The following TPTE2 variants were observed in gnomAD, a reference collection of about 807,000 sequenced individuals.
The protein encoded by TPTE2 is phosphatidylinositol 3,4,5-trisphosphate 3-phosphatase TPTE2.
TPTE2 carries 53 observed loss-of-function variants against 78.6 expected under a neutral mutation model. The ratio of observed to expected loss-of-function variants is 0.67; its 90% CI spans 0.54 to 0.85. TPTE2 has a LOEUF of 0.85. Among genes scored for constraint, TPTE2 ranks in the 40% least tolerant of loss-of-function variants. The pLI is 0.00. For missense variants in TPTE2, 461 were observed against 623.0 expected (o/e 0.74, Z 2.77); for synonymous variants, 175 against 206.2 (o/e 0.85, Z 1.30).
At chr13:19,492,581 T>C (rs1365979364) in intron 3 of TPTE2, among the ~76,000 whole-genome samples, 2 of 152,174 alleles carry the variant, frequency 1.3e-5, no homozygotes, top group Non-Finnish European at 2.9e-5. Flanking sequence ...GGATGCAAAG[T>C]TACCTGCAAA....
At chr13:19,561,116 G>C in the TPTE2 span, 2 of 1,604,484 alleles carry the variant, frequency 1.2e-6, no homozygotes, top group Non-Finnish European at 1.7e-6. Flanking sequence ...CTTGTGGCCT[G>C]GGAGGCAGTG....
intron 10 of TPTE2, among the ~76,000 whole-genome samples, chr13:19,452,261 A>G (rs1297386991): frequency 1.3e-5 from 2 of 152,168 alleles, no homozygotes; most frequent in African/African-American, 4.8e-5. Flanking sequence ...ATAAATATCT[A>G]TGAGAAATTT....
intron 1 of TPTE2, among the ~76,000 whole-genome samples, chr13:19,522,619 C>CTT (rs57248346): frequency 8.2e-6 from 1 of 121,648 alleles, no homozygotes; most frequent in Non-Finnish European, 1.6e-5. Flanking sequence ...CTTTTTTTTT[C>CTT]TTTTTTTTTT....
At chr13:19,431,199 G>T (rs1459463858) in intron 16 of TPTE2, among the ~76,000 whole-genome samples, 4 of 151,568 alleles carry the variant, frequency 2.6e-5, no homozygotes, top group Admixed American at 6.6e-5. Flanking sequence ...TTGCTAATAT[G>T]TTGCTTTCTT....
intron 13 of TPTE2, among the ~76,000 whole-genome samples, chr13:19,440,425 T>C (rs1295785616): frequency 1.0e-4 from 1 of 9,754 alleles, no homozygotes; most frequent in Non-Finnish European, 6.6e-4. Context: ...ACATCTTTCT[T>C]GATAAAAAAA....
At chr13:19,510,596 G>A (rs1869370281) in intron 1 of TPTE2, among the ~76,000 whole-genome samples, 1 of 151,916 alleles carries the variant, frequency 6.6e-6, no homozygotes, top group Non-Finnish European at 1.5e-5. Flanking sequence ...GCGGTTTGGG[G>A]GTACAAACCT....
At chr13:19,513,475 T>C (rs1209853019) in intron 1 of TPTE2, among the ~76,000 whole-genome samples, 2 of 152,248 alleles carry the variant, frequency 1.3e-5, no homozygotes, top group African/African-American at 4.8e-5. Context: ...CCTTTCATTG[T>C]TGACTCCAGC....
intron 10 of TPTE2, among the ~76,000 whole-genome samples, chr13:19,457,968 T>A (rs1319857598): frequency 6.6e-6 from 1 of 152,134 alleles, no homozygotes; most frequent in Non-Finnish European, 1.5e-5. Context: ...AAAATACAGG[T>A]GCATCTTGCT....
In TPTE2 at chr13:19,501,298, CTACTT is replaced by C. The variant is rs1262648742; in HGVS notation, c.11+1921_11+1925del. ...CCTTTCTTCACAGAATTGGAAAAAA[CTACTT>C]TAAAGTTCATATGGAACCAAAAAAG... On this transcript the variant is annotated intron_variant, in intron 1 of 19. Coordinates refer to ENST00000400230, the Ensembl canonical transcript of TPTE2. Among the ~76,000 whole-genome samples, 399 of 96,148 alleles carry C rather than the reference CTACTT, an allele frequency of 4.1e-3. 1 individual carries two copies. Among genetic ancestry groups the C allele is most frequent in the African/African-American group, 0.014 (360 of 25,532 alleles). The allele number at this position is 96,148 out of a possible 152,430, so 63.1% of individuals were successfully genotyped here.
At chr13:19,477,929 C>T (rs960065392) in intron 4 of TPTE2, among the ~76,000 whole-genome samples, 7 of 152,236 alleles carry the variant, frequency 4.6e-5, no homozygotes, top group African/African-American at 9.6e-5. Context: ...TGAAGCAACA[C>T]GAAGCATAGC....
At chr13:19,547,266 G>C in the TPTE2 span, among the ~76,000 whole-genome samples, 2 of 152,120 alleles carry the variant, frequency 1.3e-5, no homozygotes, top group African/African-American at 4.8e-5. Context: ...AGACCAGCCT[G>C]GGCAACATAG....
chr13:19,479,036 C>T (rs1716311229), intron 4 of TPTE2, among the ~76,000 whole-genome samples: 1 of 152,098 alleles, frequency 6.6e-6, no homozygotes. Flanking sequence ...GGAGGGATAG[C>T]ATTAGGAGAT....
intron 15 of TPTE2, among the ~76,000 whole-genome samples, chr13:19,433,200 A>T (rs1876804324): frequency 6.6e-6 from 1 of 152,030 alleles, no homozygotes; most frequent in Non-Finnish European, 1.5e-5. Context: ...GTACTCAATC[A>T]ACTGGTTCAG....
the TPTE2 span, among the ~76,000 whole-genome samples, chr13:19,544,965 C>T: frequency 6.6e-6 from 1 of 150,578 alleles, no homozygotes; most frequent in African/African-American, 2.4e-5. Flanking sequence ...CACACACACA[C>T]ACACACACAC....
At position 19,529,633 on chromosome 13, in the gene TPTE2, T is replaced by G. The variant is rs1993605; in HGVS notation, c.-44+6963A>C. Among the ~76,000 whole-genome samples the G allele has an allele frequency of 6.7e-3, 1,018 of 152,062 alleles. 8 individuals are homozygous for G. The highest frequency in any genetic ancestry group is 0.022 in the African/African-American group (901 of 41,432). On this transcript the variant is annotated intron_variant, in intron 1 of 17. Transcript: ENST00000390680. The stretch of plus-strand genomic sequence containing the variant: ...TGTGGCATACCTGACTCCCTTCCCC[T>G]ACTTTCTTCTCCTGATCCCTCTTGG...
chr13:19,466,876 T>C (rs143032773), intron 7 of TPTE2, among the ~76,000 whole-genome samples: 269 of 152,328 alleles, frequency 1.8e-3, no homozygotes, highest in African/African-American at 6.2e-3. Flanking sequence ...AAGAATATTA[T>C]ACTTGATCTT....
chr13:19,561,491 G>A, the TPTE2 span, among the ~76,000 whole-genome samples: 1 of 152,124 alleles, frequency 6.6e-6, no homozygotes, highest in Non-Finnish European at 1.5e-5. Flanking sequence ...GCCCGCGGGA[G>A]ACCGCTACCA....
intron 13 of TPTE2, among the ~76,000 whole-genome samples, chr13:19,441,874 G>C (rs2137507916): frequency 6.6e-6 from 1 of 152,310 alleles, no homozygotes; most frequent in East Asian, 1.9e-4. Context: ...AATTTAGGAA[G>C]ATTTCTAGAT....
chr13:19,475,760 T>A (rs1463640781), intron 4 of TPTE2, 137 bp from the exon 8 acceptor site: 6 of 692,868 alleles, frequency 8.7e-6, no homozygotes, highest in African/African-American at 3.6e-5. Flanking sequence ...TTTTTACTAA[T>A]AGCTAAAATT....
Sources: gnomAD v4.1 joint callset for allele counts (sites outside exome capture counted in the v4.1 genomes callset) on GRCh38, gnomAD v4.1.1 for gene constraint, MANE v1.5 for transcripts, NCBI Gene and HGNC (gene_info 2026-07-23, HGNC 2026-07-21) for gene names.